Variants in ATP2B2 observed in about 807,000 individuals in gnomAD.
ATP2B2 encodes the protein ATPase plasma membrane Ca2+ transporting 2.
In ATP2B2, 15 loss-of-function variants were observed where a neutral mutation model predicts 120.0. The observed-to-expected ratio is 0.12, with a 90% CI of 0.08 to 0.19. ATP2B2 has a LOEUF of 0.19. Ranked by LOEUF, ATP2B2 falls within the 10% of genes least tolerant of loss-of-function variation. The probability of loss-of-function intolerance (pLI) is 1.00; values close to 1 mark genes in which losing one functional copy is unlikely to be tolerated. For synonymous variants in ATP2B2, 694 were observed against 700.3 expected, an observed-to-expected ratio of 0.99 and a Z score of 0.14; for missense variants, 1,045 against 1,719.8, an observed-to-expected ratio of 0.61 and a Z score of 6.94.
At chr3:10,682,895 A>C (rs965555897) in intron 1 of ATP2B2, among the ~76,000 whole-genome samples, 2 of 152,250 alleles carry the variant, frequency 1.3e-5, no homozygotes, top group African/African-American at 2.4e-5. Flanking sequence ...TTTGTAACCA[A>C]AGAACAAAGG....
chr3:10,345,718 C>T (rs2060411540), intron 17 of ATP2B2, 143 bp from the exon 18 acceptor site: 1 of 804,434 alleles, frequency 1.2e-6, no homozygotes, highest in Non-Finnish European at 2.0e-6. Context: ...AGGGACACCC[C>T]ACTCTTCACG....
intron 13 of ATP2B2, 82 bp from the exon 14 acceptor site, chr3:10,359,007 A>T: frequency 7.6e-7 from 1 of 1,322,118 alleles, no homozygotes; most frequent in Non-Finnish European, 1.1e-6. Flanking sequence ...CACCCTCGTG[A>T]TGCCCAGCTA....
intron 2 of ATP2B2, among the ~76,000 whole-genome samples, chr3:10,555,117 C>T (rs959676422): frequency 1.8e-4 from 28 of 152,224 alleles, no homozygotes; most frequent in African/African-American, 6.8e-4. Flanking sequence ...GGCCTCAGTG[C>T]CTTTCTTTGA....
chr3:10,328,663 G>T lies in ATP2B2; in HGVS notation c.*151C>A, dbSNP rs1269767713. On this transcript the variant is annotated 3_prime_UTR_variant, in exon 23 of 23. Transcript: ENST00000360273. ...CATCGCAGCCAGAGAAAGGGTCTGT[G>T]GGTGGAAACGTTGGTTTTCTCTCCA... The T allele has an allele frequency of 1.3e-6, 1 of 757,424 alleles. No individual in the cohort carries two copies. Among genetic ancestry groups the T allele is most frequent in the Non-Finnish European group, 2.1e-6 (1 of 478,880 alleles). 46.9% of individuals were successfully genotyped at this position (757,424 alleles called of 1,614,324 possible). A position where few individuals can be genotyped will look rare whatever the true frequency, so the allele number is the denominator to read the frequency against.
intron 2 of ATP2B2, among the ~76,000 whole-genome samples, chr3:10,586,676 C>A (rs1273965278): frequency 6.6e-6 from 1 of 152,140 alleles, no homozygotes; most frequent in Admixed American, 6.5e-5. Context: ...CAGAAGGAGG[C>A]ACAGCTTAGA....
chr3:10,395,279 G>A (rs546336419), intron 5 of ATP2B2, among the ~76,000 whole-genome samples: 1 of 152,222 alleles, frequency 6.6e-6, no homozygotes, highest in African/African-American at 2.4e-5. Context: ...GACCAAAGAG[G>A]CAGGACATCC....
chr3:10,486,694 C>T (rs2065687981), intron 1 of ATP2B2, among the ~76,000 whole-genome samples: 1 of 152,072 alleles, frequency 6.6e-6, no homozygotes, highest in South Asian at 2.1e-4. Context: ...ATAATAATCA[C>T]CCCAGCTGGA....
intron 2 of ATP2B2, among the ~76,000 whole-genome samples, chr3:10,553,301 T>C (rs909414808): frequency 6.6e-6 from 1 of 152,236 alleles, no homozygotes; most frequent in Non-Finnish European, 1.5e-5. Context: ...GGACCACGTC[T>C]GGTTTGCCTC....
chr3:10,396,477 C>T (rs1044864668), intron 5 of ATP2B2, among the ~76,000 whole-genome samples: 5 of 152,254 alleles, frequency 3.3e-5, no homozygotes, highest in African/African-American at 9.6e-5. Flanking sequence ...ACCACCATAA[C>T]GACACCACAA....
intron 1 of ATP2B2, among the ~76,000 whole-genome samples, chr3:10,451,479 T>C (rs1259051403): frequency 6.6e-6 from 1 of 152,206 alleles, no homozygotes; most frequent in Non-Finnish European, 1.5e-5. Flanking sequence ...GAACTAATTA[T>C]AAACTGTATT....
chr3:10,393,088 G>GT (rs1201888460), intron 5 of ATP2B2, among the ~76,000 whole-genome samples: 5 of 152,208 alleles, frequency 3.3e-5, no homozygotes, highest in Non-Finnish European at 5.9e-5. Flanking sequence ...AGGTCCCCCT[G>GT]TGGTCCCTGC....
At chr3:10,335,764 C>A (rs1348019395) in intron 22 of ATP2B2, among the ~76,000 whole-genome samples, 1 of 152,218 alleles carries the variant, frequency 6.6e-6, no homozygotes, top group African/African-American at 2.4e-5. Context: ...GACCCTAGGC[C>A]AGTGGGACAC....
intron 3 of ATP2B2, among the ~76,000 whole-genome samples, chr3:10,518,260 T>G (rs1028199916): frequency 1.3e-5 from 2 of 152,224 alleles, no homozygotes; most frequent in African/African-American, 4.8e-5. Context: ...TGGATTTGCC[T>G]TGCCAGTTGT....
intron 8 of ATP2B2, among the ~76,000 whole-genome samples, chr3:10,382,610 G>A (rs752566477): frequency 5.9e-5 from 9 of 151,766 alleles, no homozygotes; most frequent in Non-Finnish European, 1.2e-4. Flanking sequence ...ACCTGCCTTG[G>A]CCTCCCAAAG....
intron 1 of ATP2B2, among the ~76,000 whole-genome samples, chr3:10,657,550 AG>A (rs1257810724): frequency 6.6e-6 from 1 of 152,104 alleles, no homozygotes; most frequent in African/African-American, 2.4e-5. Context: ...AGGCTTGGGG[AG>A]GGGGGCCTGC....
intron 3 of ATP2B2, among the ~76,000 whole-genome samples, chr3:10,516,226 G>A (rs1575447564): frequency 6.6e-6 from 1 of 152,304 alleles, no homozygotes; most frequent in East Asian, 1.9e-4. Flanking sequence ...CCTTTGACCT[G>A]TTCCTCCCTG....
chr3:10,342,737 G>T lies in ATP2B2; in HGVS notation c.2917+15C>A. 6.2e-7 allele frequency: 1 copy of T among 1,613,714 alleles called. No individual in the cohort carries two copies. Among genetic ancestry groups the T allele is most frequent in the Non-Finnish European group, 8.5e-7 (1 of 1,179,770 alleles). On this transcript the variant is annotated intron_variant, in intron 19 of 22. Coordinates refer to ENST00000360273, the MANE Select transcript of ATP2B2 (RefSeq NM_001001331.4). This position sits in a 1 kb window ranked among gnomAD's most constrained non-coding sequence, Gnocchi z 4.4. ...GACCCCGCCTGGGAGAGGCGTGGGT[G>T]GGCGAGGCGCTCACCAACAAAGAGC...
chr3:10,667,388 C>T (rs2009525), intron 1 of ATP2B2, among the ~76,000 whole-genome samples: 35,978 of 152,068 alleles, frequency 0.24, 7,490 homozygotes, highest in African/African-American at 0.56. Flanking sequence ...GCTGAGGGGG[C>T]TGGGTGCGTC....
intron 2 of ATP2B2, among the ~76,000 whole-genome samples, chr3:10,417,765 G>A (rs1004276878): frequency 5.3e-5 from 8 of 152,196 alleles, no homozygotes; most frequent in Non-Finnish European, 1.2e-4. Flanking sequence ...AGTTGTAATT[G>A]GGTGAGCTTG....
Sources: gnomAD v4.1 joint callset for allele counts (sites outside exome capture counted in the v4.1 genomes callset) on GRCh38, gnomAD v4.1.1 for gene constraint, Gnocchi (gnomAD v3.1) non-coding constraint, MANE v1.5 for transcripts, NCBI Gene and HGNC (gene_info 2026-07-23, HGNC 2026-07-21) for gene names.